The following DNAJB6 variants were observed in gnomAD, a reference collection of about 807,000 sequenced individuals.
DNAJB6 encodes dnaJ homolog subfamily B member 6.
In DNAJB6, 16 loss-of-function variants were observed where a neutral mutation model predicts 42.7. The ratio of observed to expected loss-of-function variants is 0.37; its 90% CI spans 0.25 to 0.57. The LOEUF (loss-of-function observed/expected upper bound fraction) is 0.57. Ranked by LOEUF, DNAJB6 falls within the 20% of genes least tolerant of loss-of-function variation. DNAJB6 has a pLI of 0.74. For synonymous variants in DNAJB6, 170 were observed against 163.5 expected (o/e 1.04, Z -0.30); for missense variants, 347 against 416.8 (o/e 0.83, Z 1.46).
In DNAJB6 at chr7:157,388,612, A is replaced by C. The variant is rs149648258; in HGVS notation, c.691+3001A>C. Among the ~76,000 whole-genome samples, 959 of 147,570 alleles carry C rather than the reference A, an allele frequency of 6.5e-3. 9 individuals are homozygous for C. The highest frequency in any genetic ancestry group is 0.022 in the African/African-American group (890 of 40,262). The stretch of plus-strand genomic sequence containing the variant: ...TTAAGTTTTATTTTTAAAGTCTTTA[A>C]TTTTTAAAAATACTTCAATAGCTTT... On this transcript the variant is annotated intron_variant, in intron 8 of 9. Coordinates refer to ENST00000262177, the MANE Select transcript of DNAJB6 (RefSeq NM_058246.4).
chr7:157,411,288 T>TC (rs1795965934), intron 9 of DNAJB6: 1 of 2,212 alleles, frequency 4.5e-4, no homozygotes, highest in African/African-American at 2.4e-3. Flanking sequence ...TGGGGAAGGT[T>TC]CCCAGGATCC....
chr7:157,369,659 C>CAGGCCCCTTCTTAACATTGTTATTAAAG, intron 5 of DNAJB6, among the ~76,000 whole-genome samples: 1 of 145,696 alleles, frequency 6.9e-6, no homozygotes. Context: ...TATTATTAAA[C>CAGGCCCCTTCTTAACATTGTTATTAAAG]AGGCCCCTTC....
intron 5 of DNAJB6, among the ~76,000 whole-genome samples, chr7:157,376,120 C>T (rs1477857005): frequency 6.6e-6 from 1 of 152,160 alleles, no homozygotes; most frequent in Non-Finnish European, 1.5e-5. Flanking sequence ...GTTCCTGTTC[C>T]ATCAGGTTCT....
intron 2 of DNAJB6, among the ~76,000 whole-genome samples, chr7:157,362,612 G>T (rs1370741286): frequency 6.6e-6 from 1 of 152,056 alleles, no homozygotes; most frequent in South Asian, 2.1e-4. Flanking sequence ...GACCTCAGGT[G>T]ATCTGCCCAC....
At chr7:157,344,547 A>G (rs1798585115) in intron 1 of DNAJB6, among the ~76,000 whole-genome samples, 1 of 152,170 alleles carries the variant, frequency 6.6e-6, no homozygotes, top group Admixed American at 6.5e-5. Flanking sequence ...TAGTTAGAGA[A>G]TATCTTCCTG....
chr7:157,363,868 T>C (rs1799724273), intron 3 of DNAJB6, among the ~76,000 whole-genome samples: 1 of 152,046 alleles, frequency 6.6e-6, no homozygotes, highest in African/African-American at 2.4e-5. Flanking sequence ...CTAGATGCAG[T>C]CAGGGTTCCA....
intron 1 of DNAJB6, among the ~76,000 whole-genome samples, chr7:157,341,162 A>G (rs1330891526): frequency 6.6e-6 from 1 of 150,730 alleles, no homozygotes; most frequent in East Asian, 2.0e-4. Flanking sequence ...GGAATCTCAT[A>G]TTGCCCAGGC....
chr7:157,410,182 G>A (rs1213026289), intron 9 of DNAJB6, 181 bp downstream of exon 9: 9 of 1,373,826 alleles, frequency 6.6e-6, no homozygotes, highest in Admixed American at 3.2e-5. Flanking sequence ...GGCGCCCCAC[G>A]CCACGGTGGC....
chr7:157,383,715 T>C (rs1423375005), intron 6 of DNAJB6, among the ~76,000 whole-genome samples: 1 of 151,918 alleles, frequency 6.6e-6, no homozygotes, highest in African/African-American at 2.4e-5. Flanking sequence ...TTAGCGAGGC[T>C]TAATTGAGAC....
At chr7:157,364,203 CA>C (rs199931317) in intron 3 of DNAJB6, among the ~76,000 whole-genome samples, 2 of 151,640 alleles carry the variant, frequency 1.3e-5, no homozygotes, top group African/African-American at 4.9e-5. Context: ...AGACTGTCTC[CA>C]AAAAACAAAA....
At chr7:157,395,565 A>G (rs1465047854) in intron 8 of DNAJB6, among the ~76,000 whole-genome samples, 2 of 152,228 alleles carry the variant, frequency 1.3e-5, no homozygotes, top group African/African-American at 2.4e-5. Context: ...AGAAGAAACT[A>G]GAATGACTTG....
chr7:157,416,397 A>C lies in DNAJB6; in HGVS notation c.*299A>C. ...CCTCTTCATTCTTTTCGGCTACTCA[A>C]CCACTCCGCATGCTGCTGGAATATT... On this transcript the variant is annotated 3_prime_UTR_variant, in exon 10 of 10. Coordinates refer to ENST00000262177, the MANE Select transcript of DNAJB6 (RefSeq NM_058246.4). 5.3e-6 allele frequency: 2 copies of C among 379,012 alleles called. No individual in the cohort carries two copies. Among genetic ancestry groups the C allele is most frequent in the Non-Finnish European group, 4.9e-6 (1 of 204,184 alleles). 23.5% of individuals were successfully genotyped at this position (379,012 alleles called of 1,614,324 possible).
At chr7:157,408,937 C>A (rs191619520) in intron 8 of DNAJB6, among the ~76,000 whole-genome samples, 1 of 152,208 alleles carries the variant, frequency 6.6e-6, no homozygotes, top group Admixed American at 6.5e-5. Flanking sequence ...TCGTTTTAGG[C>A]ACATTTTAGA....
intron 8 of DNAJB6, among the ~76,000 whole-genome samples, chr7:157,408,413 T>G (rs997725947): frequency 6.6e-6 from 1 of 152,198 alleles, no homozygotes; most frequent in African/African-American, 2.4e-5. Flanking sequence ...GTGGGCGCCG[T>G]GCTGTGGCTT....
chr7:157,365,839 T>A (rs1563124836), intron 3 of DNAJB6, among the ~76,000 whole-genome samples: 1 of 151,698 alleles, frequency 6.6e-6, no homozygotes, highest in Non-Finnish European at 1.5e-5. Flanking sequence ...TAATTTTGTA[T>A]TTTTAGTAGA....
intron 1 of DNAJB6, among the ~76,000 whole-genome samples, chr7:157,357,268 T>TTCCG: frequency 1.3e-5 from 1 of 77,656 alleles, no homozygotes; most frequent in South Asian, 4.0e-4. Flanking sequence ...CCTTCCGTCC[T>TTCCG]TCCTTCCGTC....
intron 5 of DNAJB6, among the ~76,000 whole-genome samples, chr7:157,371,767 T>C (rs1422757311): frequency 6.6e-6 from 1 of 152,250 alleles, no homozygotes; most frequent in Non-Finnish European, 1.5e-5. Flanking sequence ...ACCCTATTGC[T>C]CAGTGAAATG....
intron 5 of DNAJB6, among the ~76,000 whole-genome samples, chr7:157,369,727 C>CACATTGTTATTAAAGAGGCCCCTTCTTA (rs1800041421): frequency 2.0e-5 from 2 of 100,738 alleles, no homozygotes; most frequent in African/African-American, 4.4e-5. Flanking sequence ...GCCCCTTCTT[C>CACATTGTTATTAAAGAGGCCCCTTCTTA]ACATTATTAT....
intron 1 of DNAJB6, among the ~76,000 whole-genome samples, chr7:157,350,999 A>G (rs557915355): frequency 1.1e-4 from 17 of 151,442 alleles, no homozygotes; most frequent in Non-Finnish European, 1.6e-4. Context: ...CGATGGTGCA[A>G]TCGCGGCTCA....
Sources: gnomAD v4.1 joint callset for allele counts (sites outside exome capture counted in the v4.1 genomes callset) on GRCh38, gnomAD v4.1.1 for gene constraint, MANE v1.5 for transcripts, NCBI Gene and HGNC (gene_info 2026-07-23, HGNC 2026-07-21) for gene names.